Variants in SH3RF3 observed in about 807,000 individuals in gnomAD.
The protein encoded by SH3RF3 is E3 ubiquitin-protein ligase SH3RF3.
A neutral mutation model predicts 66.3 loss-of-function variants in SH3RF3; 29 were observed. That is an observed-to-expected ratio of 0.44 (90% CI 0.33 to 0.60). The LOEUF (loss-of-function observed/expected upper bound fraction) is 0.60, where lower values mean the gene tolerates loss of function less well. Among genes scored for constraint, SH3RF3 ranks in the 20% least tolerant of loss-of-function variants. The pLI is 0.04. For missense variants in SH3RF3, 1,194 were observed against 1,190.9 expected, an observed-to-expected ratio of 1.00 and a Z score of -0.04; for synonymous variants, 583 against 532.0, an observed-to-expected ratio of 1.10 and a Z score of -1.32.
chr2:109,418,985 C>T (rs1676798838), intron 4 of SH3RF3, among the ~76,000 whole-genome samples: 1 of 152,090 alleles, frequency 6.6e-6, no homozygotes, highest in Non-Finnish European at 1.5e-5. Flanking sequence ...GCTGACCGTT[C>T]CTCGGGTCAT....
intron 3 of SH3RF3, among the ~76,000 whole-genome samples, chr2:109,387,766 C>T (rs188154816): frequency 3.3e-5 from 5 of 152,302 alleles, no homozygotes; most frequent in African/African-American, 1.2e-4. Context: ...GGGGTTTTGT[C>T]TGTATTTATT....
intron 1 of SH3RF3, among the ~76,000 whole-genome samples, chr2:109,135,672 G>A (rs1676798839): frequency 6.6e-6 from 1 of 152,110 alleles, no homozygotes; most frequent in South Asian, 2.1e-4. Context: ...GTGCATGGGG[G>A]GGTGTGTGTG....
intron 8 of SH3RF3, among the ~76,000 whole-genome samples, chr2:109,486,377 G>A (rs549193857): frequency 2.2e-4 from 34 of 152,292 alleles, no homozygotes; most frequent in African/African-American, 7.9e-4. Context: ...AGTGGTTCGG[G>A]TGCTCTCCCA....
intron 7 of SH3RF3, among the ~76,000 whole-genome samples, chr2:109,442,495 T>C (rs558946659): frequency 1.3e-3 from 191 of 152,260 alleles, no homozygotes; most frequent in Non-Finnish European, 2.3e-3. Context: ...CTTTAAAATA[T>C]AATTGACTGT....
At chr2:109,392,977 C>T (rs954154046) in intron 3 of SH3RF3, among the ~76,000 whole-genome samples, 1 of 152,192 alleles carries the variant, frequency 6.6e-6, no homozygotes, top group African/African-American at 2.4e-5. Context: ...CCCTCTCCAC[C>T]GCCCCTGCTT....
chr2:109,369,594 A>T (rs966114760), intron 2 of SH3RF3, among the ~76,000 whole-genome samples: 2 of 152,086 alleles, frequency 1.3e-5, no homozygotes, highest in African/African-American at 4.8e-5. Flanking sequence ...GAGGATGGGG[A>T]AAGTGAGGGG....
Position 109,376,601 on chromosome 2 carries a change from C to T in SH3RF3, c.945+4920C>T, listed in dbSNP as rs975090182. ...AGCTCTGCCTCCACATTGACAACAT[C>T]GGTTGTCCAGGTAGAGTAATGGGGA... On this transcript the variant is annotated intron_variant, in intron 3 of 9. Transcript: ENST00000309415. Among the ~76,000 whole-genome samples the T allele has an allele frequency of 7.9e-5, 12 of 152,212 alleles. No homozygotes were observed. In the South Asian group the frequency reaches 1.0e-3, roughly 13 times the overall value.
At chr2:109,350,015 G>A (rs868056981) in intron 2 of SH3RF3, among the ~76,000 whole-genome samples, 1 of 152,372 alleles carries the variant, frequency 6.6e-6, no homozygotes, top group African/African-American at 2.4e-5. Context: ...TGGAGAATGT[G>A]CAGAAGACAG....
chr2:109,296,085 GC>G (rs1378516710), intron 1 of SH3RF3, among the ~76,000 whole-genome samples: 1 of 151,992 alleles, frequency 6.6e-6, no homozygotes, highest in Non-Finnish European at 1.5e-5. Context: ...AGCCAGGTTG[GC>G]CCCCCAGAAG....
rs1677149305 is a variant in SH3RF3 at position 109,148,414 on chromosome 2, C to CT, written c.573+18308dup. Among the ~76,000 whole-genome samples, 5 of 152,238 alleles carry CT rather than the reference C, an allele frequency of 3.3e-5. No homozygotes were observed. In the South Asian group the frequency reaches 1.0e-3, roughly 32 times the overall value. Reference sequence around the variant, plus strand: ...ATAGGGAGGGCTTCTTAAAGGCGTTCTTTTTTTCCCTTTTTGGACAAATTG... The same window carrying CT: ...ATAGGGAGGGCTTCTTAAAGGCGTTCTTTTTTTTCCCTTTTTGGACAAATTG... On this transcript the variant is annotated intron_variant, in intron 1 of 9. Transcript: ENST00000309415.
chr2:109,493,599 A>C (rs967643623), intron 9 of SH3RF3, among the ~76,000 whole-genome samples: 38,172 of 146,124 alleles, frequency 0.26, 5,150 homozygotes, highest in East Asian at 0.51. Context: ...AATACACACA[A>C]ACCACACACA....
chr2:109,382,859 AC>A (rs1189621391), intron 3 of SH3RF3, among the ~76,000 whole-genome samples: 1 of 152,144 alleles, frequency 6.6e-6, no homozygotes, highest in African/African-American at 2.4e-5. Context: ...TGGATTATGA[AC>A]CCTGCCCCAA....
At chr2:109,179,003 A>ATGTGTGTGTGTG (rs56236635) in intron 1 of SH3RF3, among the ~76,000 whole-genome samples, 28,227 of 141,342 alleles carry the variant, frequency 0.2, 2,896 homozygotes, top group East Asian at 0.25. Context: ...AAGTATAATA[A>ATGTGTGTGTGTG]TGTGTGTGTG....
At chr2:109,220,534 A>G (rs1679206422) in intron 1 of SH3RF3, among the ~76,000 whole-genome samples, 1 of 152,266 alleles carries the variant, frequency 6.6e-6, no homozygotes. Context: ...TGTTTAGTAA[A>G]TAATGAATAT....
intron 7 of SH3RF3, 118 bp downstream of exon 7, chr2:109,437,264 C>A: frequency 7.1e-7 from 1 of 1,415,980 alleles, no homozygotes; most frequent in Non-Finnish European, 9.4e-7. Flanking sequence ...GTGGCAGCTT[C>A]ATGGCAGCTG....
At chr2:109,436,488 G>A (rs745872782) in intron 6 of SH3RF3, among the ~76,000 whole-genome samples, 4 of 152,230 alleles carry the variant, frequency 2.6e-5, no homozygotes, top group South Asian at 2.1e-4. Flanking sequence ...GAGGGGGCCC[G>A]CGTCCTTGCC....
chr2:109,202,848 G>A (rs756575433), intron 1 of SH3RF3, among the ~76,000 whole-genome samples: 1 of 152,238 alleles, frequency 6.6e-6, no homozygotes, highest in African/African-American at 2.4e-5. Context: ...TTTAAGTGTT[G>A]CAGAATTTAT....
chr2:109,191,145 G>A (rs766341092), intron 1 of SH3RF3, among the ~76,000 whole-genome samples: 1 of 152,152 alleles, frequency 6.6e-6, no homozygotes, highest in Non-Finnish European at 1.5e-5. Flanking sequence ...GCCAATGAGA[G>A]TAGAGGGTCC....
At chr2:109,315,532 G>T (rs961476557) in intron 1 of SH3RF3, among the ~76,000 whole-genome samples, 2 of 152,232 alleles carry the variant, frequency 1.3e-5, no homozygotes, top group African/African-American at 4.8e-5. Context: ...ACGACCATCC[G>T]TTTTTGGTGT....
Sources: allele counts gnomAD v4.1 joint callset (sites outside exome capture counted in the v4.1 genomes callset), GRCh38; gene constraint gnomAD v4.1.1; transcripts MANE v1.5; gene names NCBI Gene and HGNC (gene_info 2026-07-23, HGNC 2026-07-21).